PDIA5: variants seen among roughly 807,000 people sequenced by gnomAD.
PDIA5 encodes the protein protein disulfide-isomerase A5.
Under a neutral mutation model 77.6 loss-of-function variants are expected in PDIA5, and 58 were observed. That is an observed-to-expected ratio of 0.75 (90% CI 0.61 to 0.93). The LOEUF (loss-of-function observed/expected upper bound fraction) is 0.93, where lower values mean the gene tolerates loss of function less well. Among genes scored for constraint, PDIA5 ranks in the 40% least tolerant of loss-of-function variants. The pLI, the probability that PDIA5 is intolerant of heterozygous loss-of-function variation, is 0.00. For missense variants in PDIA5, 630 were observed against 647.7 expected (o/e 0.97, Z 0.30); for synonymous variants, 250 against 252.1 (o/e 0.99, Z 0.08).
chr3:123,155,783 G>T (rs904419269), intron 15 of PDIA5, among the ~76,000 whole-genome samples: 1 of 152,190 alleles, frequency 6.6e-6, no homozygotes, highest in Non-Finnish European at 1.5e-5. Context: ...TGGCAGTCAC[G>T]TGGGATCTGC....
chr3:123,120,939 A>G (rs1935101424), intron 8 of PDIA5, among the ~76,000 whole-genome samples: 1 of 152,154 alleles, frequency 6.6e-6, no homozygotes, highest in Non-Finnish European at 1.5e-5. Flanking sequence ...TCCTGACCAC[A>G]GCATTCCCTC....
At chr3:123,158,745 G>A (rs1050117802) in intron 15 of PDIA5, among the ~76,000 whole-genome samples, 9 of 152,234 alleles carry the variant, frequency 5.9e-5, no homozygotes, top group African/African-American at 1.9e-4. Flanking sequence ...CCAGCAGCGT[G>A]TGCCCCAGGA....
intron 3 of PDIA5, among the ~76,000 whole-genome samples, chr3:123,094,276 G>A (rs1030581859): frequency 4.6e-5 from 7 of 152,218 alleles, no homozygotes; most frequent in African/African-American, 1.7e-4. Context: ...TTAAAATAGT[G>A]TGGACAAGTA....
chr3:123,078,797 A>G (rs1933919344), intron 1 of PDIA5, among the ~76,000 whole-genome samples: 1 of 152,192 alleles, frequency 6.6e-6, no homozygotes, highest in African/African-American at 2.4e-5. Flanking sequence ...TGACATTTTT[A>G]AAGAATTTTC....
chr3:123,160,703 A>G (rs1312140391), intron 15 of PDIA5, among the ~76,000 whole-genome samples: 1 of 152,234 alleles, frequency 6.6e-6, no homozygotes, highest in Non-Finnish European at 1.5e-5. Flanking sequence ...TTTCCTGACC[A>G]TGAATCTGGT....
intron 1 of PDIA5, among the ~76,000 whole-genome samples, chr3:123,069,103 TAGG>T (rs1268359746): frequency 6.6e-6 from 1 of 152,122 alleles, no homozygotes; most frequent in Non-Finnish European, 1.5e-5. Context: ...GCTTAGCGGG[TAGG>T]AGGTGGAGGG....
At chr3:123,153,604 G>A (rs2107990751) in intron 14 of PDIA5, among the ~76,000 whole-genome samples, 1 of 152,062 alleles carries the variant, frequency 6.6e-6, no homozygotes, top group South Asian at 2.1e-4. Flanking sequence ...CCCATCACTG[G>A]CCCAGGTCTC....
chr3:123,135,519 C>T (rs1439553374), intron 11 of PDIA5, among the ~76,000 whole-genome samples: 1 of 152,188 alleles, frequency 6.6e-6, no homozygotes, highest in East Asian at 1.9e-4. Flanking sequence ...TATCTTGCCT[C>T]CAGCATGTAT....
intron 7 of PDIA5, among the ~76,000 whole-genome samples, chr3:123,113,490 G>A (rs1466720117): frequency 1.3e-5 from 2 of 152,202 alleles, no homozygotes; most frequent in Admixed American, 1.3e-4. Flanking sequence ...TGGTGGTAGG[G>A]GAGGGAGGAG....
At chr3:123,084,669 C>T (rs758763664) in intron 1 of PDIA5, among the ~76,000 whole-genome samples, 28 of 152,174 alleles carry the variant, frequency 1.8e-4, no homozygotes, top group Non-Finnish European at 2.9e-4. Context: ...GCTGCTTCTC[C>T]GTTCTTCCAC....
chr3:123,113,968 C>T (rs1216073270), intron 7 of PDIA5, among the ~76,000 whole-genome samples: 1 of 152,234 alleles, frequency 6.6e-6, no homozygotes, highest in African/African-American at 2.4e-5. Flanking sequence ...ACTCAGGAAG[C>T]ACAGGGCCAG....
chr3:123,087,021 A>G (rs981193111), intron 1 of PDIA5, among the ~76,000 whole-genome samples: 1 of 151,942 alleles, frequency 6.6e-6, no homozygotes, highest in Non-Finnish European at 1.5e-5. Context: ...TGTTGTATTT[A>G]TTTTTTCTTT....
At chr3:123,117,414 A>G (rs1301723860) in intron 8 of PDIA5, among the ~76,000 whole-genome samples, 3 of 104,590 alleles carry the variant, frequency 2.9e-5, no homozygotes, top group African/African-American at 6.4e-5. Context: ...TTTTAGAGAC[A>G]GGGTCTCACT....
intron 3 of PDIA5, among the ~76,000 whole-genome samples, chr3:123,099,209 C>G (rs1341960981): frequency 6.6e-6 from 1 of 152,222 alleles, no homozygotes; most frequent in African/African-American, 2.4e-5. Flanking sequence ...GCCCAGAGAT[C>G]CCAGAAAGCC....
chr3:123,123,678 G>T (rs996379807), intron 8 of PDIA5, among the ~76,000 whole-genome samples: 2 of 152,210 alleles, frequency 1.3e-5, no homozygotes, highest in Non-Finnish European at 2.9e-5. Context: ...AGTACAACCC[G>T]AGTTGACATG....
At position 123,092,449 on chromosome 3, in the gene PDIA5, G is replaced by A. The variant is rs1219390317; in HGVS notation, c.257+7G>A. 1 of 1,610,910 alleles carries A rather than the reference G, an allele frequency of 6.2e-7. No individual in the cohort carries two copies. On this transcript the variant is annotated splice_region_variant and intron_variant, in intron 3 of 16. Transcript: ENST00000316218. ...TCTGCTGGGTGGACTGTGGGTATGT[G>A]CTGGGGCCATGTGCCATGGTGGCTG...
chr3:123,116,141 G>A lies in PDIA5; in HGVS notation c.542-90G>A, dbSNP rs376966343. On this transcript the variant is annotated intron_variant, in intron 7 of 16. Transcript: ENST00000316218. ...CTCAAGGCTGGATAAGTGCTTGTTG[G>A]GTAGAGGATGGCCATGGGGAGGCAG... The A allele has an allele frequency of 1.1e-5, 11 of 991,488 alleles. No homozygotes were observed. The African/African-American group carries it at 1.4e-4, about 13-fold the overall frequency. The allele number at this position is 991,488 out of a possible 1,614,324, so 61.4% of individuals were successfully genotyped here. A position where few individuals can be genotyped will look rare whatever the true frequency, so the allele number is the denominator to read the frequency against.
At chr3:123,110,504 C>T (rs528434763) in intron 6 of PDIA5, among the ~76,000 whole-genome samples, 2 of 152,296 alleles carry the variant, frequency 1.3e-5, no homozygotes, top group South Asian at 4.1e-4. Flanking sequence ...TGAAAACAGC[C>T]ACCCGCAGCA....
intron 5 of PDIA5, among the ~76,000 whole-genome samples, chr3:123,103,611 T>G (rs1934657776): frequency 6.6e-6 from 1 of 152,182 alleles, no homozygotes; most frequent in Admixed American, 6.5e-5. Context: ...TCAGTGTCCC[T>G]CTCCCTCTGC....
Sources: gnomAD v4.1 joint callset for allele counts (sites outside exome capture counted in the v4.1 genomes callset) on GRCh38, gnomAD v4.1.1 for gene constraint, MANE v1.5 for transcripts, NCBI Gene and HGNC (gene_info 2026-07-23, HGNC 2026-07-21) for gene names.